The following HOMEZ variants were observed in gnomAD, a reference collection of about 807,000 sequenced individuals.
The protein encoded by HOMEZ is homeobox and leucine zipper encoding.
In HOMEZ, 20 loss-of-function variants were observed where a neutral mutation model predicts 50.1. That is an observed-to-expected ratio of 0.40 (90% CI 0.28 to 0.58). The LOEUF (loss-of-function observed/expected upper bound fraction) is 0.58, where lower values mean the gene tolerates loss of function less well. Ranked by LOEUF, HOMEZ falls within the 20% of genes least tolerant of loss-of-function variation. HOMEZ has a pLI of 0.46. For missense variants in HOMEZ, 579 were observed against 680.5 expected (o/e 0.85, Z 1.66); for synonymous variants, 239 against 254.7 (o/e 0.94, Z 0.59).
Position 23,277,069 on chromosome 14 carries a change from A to C in HOMEZ, c.159T>G (p.Leu53=), listed in dbSNP as rs760001692. Residue 53 remains leucine (L), a synonymous_variant, in exon 2 of 2, where the codon CTT becomes CTG. Transcript: ENST00000357460. Reference sequence around the variant, plus strand: ...TGGTCTGGGCTGCTTGCGTCCACACAAGCTGTAGCTCCTCAGAGATTGGAG... The same window carrying C: ...TGGTCTGGGCTGCTTGCGTCCACACCAGCTGTAGCTCCTCAGAGATTGGAG... ...CLPPISEELQ[L]VWTQAAQTSE... 9.9e-6 allele frequency: 16 copies of C among 1,613,884 alleles called. No homozygotes were observed. Among genetic ancestry groups the C allele is most frequent in the Admixed American group, 1.7e-5 (1 of 60,008 alleles).
chr14:23,278,444 C>G (rs1886415758), intron 1 of HOMEZ, among the ~76,000 whole-genome samples: 1 of 152,078 alleles, frequency 6.6e-6, no homozygotes, highest in Non-Finnish European at 1.5e-5. Flanking sequence ...TGGCTCATTG[C>G]AGCTTTGAAC....
rs1434539792 is a variant in HOMEZ at position 23,274,496 on chromosome 14, C to A, written c.*1079G>T. 1 of 152,560 alleles carries A rather than the reference C, an allele frequency of 6.6e-6. No individual in the cohort carries two copies. The highest frequency in any genetic ancestry group is 1.5e-5 in the Non-Finnish European group (1 of 68,030). The allele number at this position is 152,560 out of a possible 1,614,324, so 9.5% of individuals were successfully genotyped here. ...TATCCATTCTAAATTATTCTCCACC[C>A]AATTATTAAAGTTTTTTACAAGCTC... On this transcript the variant is annotated 3_prime_UTR_variant, in exon 2 of 2. Coordinates refer to ENST00000357460, the MANE Select transcript of HOMEZ (RefSeq NM_020834.3).
chr14:23,275,498 A>C lies in HOMEZ; in HGVS notation c.*77T>G, dbSNP rs144280233. 1.4e-6 allele frequency: 2 copies of C among 1,461,794 alleles called. No homozygotes were observed. The highest frequency in any genetic ancestry group is 5.0e-5 in the East Asian group (2 of 40,204). 90.6% of individuals were successfully genotyped at this position (1,461,794 alleles called of 1,614,324 possible). On this transcript the variant is annotated 3_prime_UTR_variant, in exon 2 of 2. Coordinates refer to ENST00000357460, the MANE Select transcript of HOMEZ (RefSeq NM_020834.3). Reference sequence around the variant, plus strand: ...TCTCTGCCACAAGGTAATTTTAAAAATGTGGTTTCTTTGTTTAAACAGTTA... The same window carrying C: ...TCTCTGCCACAAGGTAATTTTAAAACTGTGGTTTCTTTGTTTAAACAGTTA...
intron 1 of HOMEZ, among the ~76,000 whole-genome samples, chr14:23,280,750 T>TTTATTTTATTTTATTTTATTTTA (rs1886523053): frequency 4.6e-5 from 4 of 87,306 alleles, no homozygotes; most frequent in Non-Finnish European, 6.9e-5. Context: ...ATTATTTTAT[T>TTTATTTTATTTTATTTTATTTTA]TTATTTTATT....
rs1432340613 is a variant in HOMEZ, at chr14:23,280,735, ATTTTATTATTTTATTTTATTTTATT to A, written c.41-3573_41-3549del. On this transcript the variant is annotated intron_variant, in intron 1 of 1. Coordinates refer to ENST00000357460, the MANE Select transcript of HOMEZ (RefSeq NM_020834.3). ...TTTTTATTTTATTTTATTTTATTTT[ATTTTATTATTTTATTTTATTTTATT>A]TTATTTTATTTTATTTTATTTTATT... 7.1e-4 allele frequency among the ~76,000 whole-genome samples: 56 copies of A among 78,700 alleles called. 4 individuals carry two copies. Among genetic ancestry groups the A allele is most frequent in the South Asian group, 1.3e-3 (3 of 2,388 alleles). 51.6% of individuals were successfully genotyped at this position (78,700 alleles called of 152,430 possible). A position where few individuals can be genotyped will look rare whatever the true frequency, so the allele number is the denominator to read the frequency against.
chr14:23,282,455 G>C (rs1173021336), intron 1 of HOMEZ, among the ~76,000 whole-genome samples: 2 of 151,798 alleles, frequency 1.3e-5, no homozygotes, highest in Admixed American at 1.3e-4. Flanking sequence ...CAGCTGAAAT[G>C]GCCTGGGAGG....
Position 23,280,516 on chromosome 14 carries a change from T to A in HOMEZ, c.41-3329A>T, listed in dbSNP as rs560334847. Among the ~76,000 whole-genome samples the A allele has an allele frequency of 2.6e-5, 4 of 152,104 alleles. No homozygotes were observed. The East Asian group carries it at 7.8e-4, about 30-fold the overall frequency. On this transcript the variant is annotated intron_variant, in intron 1 of 1. Transcript: ENST00000357460. ...ACCACTGCTCCCAGGATTATGGGTATGGGGACTGCAGGAATAGCCTTTGAC... is the reference window on the plus strand; with the variant it reads ...ACCACTGCTCCCAGGATTATGGGTAAGGGGACTGCAGGAATAGCCTTTGAC...
At position 23,276,249 on chromosome 14, in the gene HOMEZ, G is replaced by C. The variant is rs777253579; in HGVS notation, c.979C>G (p.Leu327Val). The C allele has an allele frequency of 1.2e-6, 2 of 1,614,018 alleles. No individual in the cohort carries two copies. The highest frequency in any genetic ancestry group is 1.1e-5 in the South Asian group (1 of 91,080). The change falls in exon 2 of 2, where the codon CTG (leucine) becomes GTG (valine). Residue 327 changes from leucine to valine, a missense_variant. Leu to Val is a conservative substitution (Grantham distance 32, BLOSUM62 1). Coordinates refer to ENST00000357460, the MANE Select transcript of HOMEZ (RefSeq NM_020834.3). The surrounding 1 kb of genome is among the most constrained non-coding windows in gnomAD (Gnocchi z 4.1). ...SPSEQALPPHLEPAWPQGLRH... is the reference protein window; with the variant it reads ...SPSEQALPPHVEPAWPQGLRH... ...AGCCCTTGGGGCCAGGCTGGTTCCAGATGTGGGGGTAATGCCTGTTCACTG... is the reference window on the plus strand; with the variant it reads ...AGCCCTTGGGGCCAGGCTGGTTCCACATGTGGGGGTAATGCCTGTTCACTG...
chr14:23,277,112 G>A lies in HOMEZ; in HGVS notation c.116C>T (p.Ala39Val), dbSNP rs779990330. The change falls in exon 2 of 2, where the codon GCG (alanine) becomes GTG (valine). Residue 39 changes from alanine to valine, a missense_variant. Ala to Val is a moderately conservative substitution (Grantham distance 64, BLOSUM62 0). Transcript: ENST00000357460. ...KEASGLSSSP[A>V]GLICLPPISE... ...GATTGGAGGGAGGCAGATGAGCCCC[G>A]CTGGTGAACTACTGAGACCGCTGGC... 43 of 1,613,670 alleles carry A rather than the reference G, an allele frequency of 2.7e-5. No individual in the cohort carries two copies. In the East Asian group the frequency reaches 3.6e-4, roughly 13 times the overall value.
chr14:23,279,227 CG>C (rs1886434349), intron 1 of HOMEZ, among the ~76,000 whole-genome samples: 1 of 152,028 alleles, frequency 6.6e-6, no homozygotes, highest in South Asian at 2.1e-4. Flanking sequence ...AAATAGCAAT[CG>C]AATATAAAAT....
At chr14:23,281,719 C>T (rs1380478700) in intron 1 of HOMEZ, among the ~76,000 whole-genome samples, 2 of 151,724 alleles carry the variant, frequency 1.3e-5, no homozygotes, top group East Asian at 3.9e-4. Context: ...ATGCCAACAC[C>T]TTGGGAGGCC....
chr14:23,285,842 G>A, intron 1 of HOMEZ, 71 bp downstream of exon 1: 1 of 875,208 alleles, frequency 1.1e-6, no homozygotes, highest in Non-Finnish European at 1.5e-6. Flanking sequence ...CCAGCGCGGG[G>A]ATGGGGCTCC....
At chr14:23,284,466 A>G (rs1296450481) in intron 1 of HOMEZ, among the ~76,000 whole-genome samples, 1 of 152,258 alleles carries the variant, frequency 6.6e-6, no homozygotes, top group African/African-American at 2.4e-5. Flanking sequence ...GGCTGCTACT[A>G]GTGCGCCAAA....
chr14:23,280,763 A>C (rs554663093), intron 1 of HOMEZ, among the ~76,000 whole-genome samples: 3 of 86,056 alleles, frequency 3.5e-5, no homozygotes, highest in Admixed American at 1.3e-4. Context: ...ATTTTATTTT[A>C]TTTTATTTTA....
chr14:23,277,501 C>T lies in HOMEZ; in HGVS notation c.41-314G>A, dbSNP rs185179411. 5.3e-5 allele frequency among the ~76,000 whole-genome samples: 8 copies of T among 152,234 alleles called. No homozygotes were observed. In the South Asian group the frequency reaches 6.2e-4, roughly 12 times the overall value. On this transcript the variant is annotated intron_variant, in intron 1 of 1. Coordinates refer to ENST00000357460, the MANE Select transcript of HOMEZ (RefSeq NM_020834.3). ...AGCCATGGTGGCTCATGCCTGTAAT[C>T]CCAGCACTTCGGGAGGCCGAGGTGG... is the stretch of plus-strand genomic sequence containing the variant.
intron 1 of HOMEZ, among the ~76,000 whole-genome samples, chr14:23,278,131 G>C (rs571227473): frequency 6.7e-6 from 1 of 150,308 alleles, no homozygotes; most frequent in Non-Finnish European, 1.5e-5. Flanking sequence ...CAGCTGGTGG[G>C]TTGTTTTTTT....
Position 23,276,100 on chromosome 14 carries a change from TA to T in HOMEZ, c.1127del (p.Leu376TyrfsTer14), listed in dbSNP as rs755016625. ...CCTCACGCCGTGCCCACTGGCACTG[TA>T]AAAAAAAGGATTTAAGGATAGCCAG... ...EQLAILKSFF[L>X]QCQWARREDY... On this transcript the variant is annotated frameshift_variant, in exon 2 of 2. Coordinates refer to ENST00000357460, the MANE Select transcript of HOMEZ (RefSeq NM_020834.3). LOFTEE classifies it high-confidence loss of function. The surrounding 1 kb of genome is among the most constrained non-coding windows in gnomAD (Gnocchi z 4.1). 1 of 1,613,334 alleles carries T rather than the reference TA, an allele frequency of 6.2e-7. No homozygotes were observed. The highest frequency in any genetic ancestry group is 8.5e-7 in the Non-Finnish European group (1 of 1,179,656).
In HOMEZ at chr14:23,275,885, C is replaced by A; in HGVS notation, c.1343G>T (p.Arg448Met). Residue 448 changes from arginine to methionine, a missense_variant, in exon 2 of 2, where the codon AGG becomes ATG. Arg to Met is a moderately conservative substitution (Grantham distance 91). Coordinates refer to ENST00000357460, the MANE Select transcript of HOMEZ (RefSeq NM_020834.3). ...GATCGGCAGAGGTGGTGTCTCAGCC[C>A]TTTCGTTCAAGGAGCGGGTTGATGG... is the stretch of plus-strand genomic sequence containing the variant. The part of the protein sequence containing the change: ...PPPSTRSLNE[R>M]AETPPLPIPP... 6.2e-7 allele frequency: 1 copy of A among 1,600,682 alleles called. No individual in the cohort carries two copies. The highest frequency in any genetic ancestry group is 8.5e-7 in the Non-Finnish European group (1 of 1,172,812).
Position 23,277,126 on chromosome 14 carries a change from G to A in HOMEZ, c.102C>T (p.Leu34=), listed in dbSNP as rs772977605. Residue 34 remains leucine (L), a synonymous_variant, in exon 2 of 2, where the codon CTC becomes CTT. Transcript: ENST00000357460. ...AGATGAGCCCCGCTGGTGAACTACT[G>A]AGACCGCTGGCCTCTTTATTAGGAG... The part of the protein sequence containing the change: ...TMPPNKEASG[L]SSSPAGLICL... The A allele has an allele frequency of 8.7e-6, 14 of 1,613,194 alleles. No homozygotes were observed. Among genetic ancestry groups the A allele is most frequent in the South Asian group, 2.2e-5 (2 of 91,040 alleles).
Sources: gnomAD v4.1 joint callset for allele counts (sites outside exome capture counted in the v4.1 genomes callset) on GRCh38, gnomAD v4.1.1 for gene constraint, Gnocchi (gnomAD v3.1) non-coding constraint, MANE v1.5 for transcripts, NCBI Gene and HGNC (gene_info 2026-07-23, HGNC 2026-07-21) for gene names.